ODAD2: variants seen among roughly 807,000 people sequenced by gnomAD.
ODAD2 encodes the protein outer dynein arm-docking complex subunit 2.
A neutral mutation model predicts 106.8 loss-of-function variants in ODAD2; 89 were observed. The observed-to-expected ratio is 0.83, with a 90% CI of 0.70 to 0.99. The LOEUF (loss-of-function observed/expected upper bound fraction) is 0.99. Among genes scored for constraint, ODAD2 ranks in the 50% least tolerant of loss-of-function variants. The pLI is 0.00. For missense variants in ODAD2, 1,168 were observed against 1,238.5 expected (o/e 0.94, Z 0.85); for synonymous variants, 404 against 436.2 (o/e 0.93, Z 0.92).
In ODAD2 at chr10:27,940,027, T is replaced by C. The variant is rs751814479; in HGVS notation, c.1987-20A>G. ...GTTTTCCTAGGAATAAAAACCTACA[T>C]ATTTATGTGTTCAAGACGTGAATAT... is the stretch of plus-strand genomic sequence containing the variant. On this transcript the variant is annotated intron_variant, in intron 13 of 19. Transcript: ENST00000305242. 2 of 1,532,766 alleles carry C rather than the reference T, an allele frequency of 1.3e-6. No homozygotes were observed. Among genetic ancestry groups the C allele is most frequent in the Admixed American group, 3.6e-5 (2 of 55,624 alleles). The allele number at this position is 1,532,766 out of a possible 1,614,324, so 94.9% of individuals were successfully genotyped here.
chr10:27,818,884 A>G (rs1489150801), intron 19 of ODAD2, among the ~76,000 whole-genome samples: 3 of 152,130 alleles, frequency 2.0e-5, no homozygotes, highest in Admixed American at 2.0e-4. Flanking sequence ...AAAAATCACT[A>G]TCAAACCATA....
chr10:27,823,245 T>A lies in ODAD2; in HGVS notation c.3022-10620A>T, dbSNP rs952700283. 2.0e-5 allele frequency among the ~76,000 whole-genome samples: 3 copies of A among 152,192 alleles called. No homozygotes were observed. In the East Asian group the frequency reaches 5.8e-4, roughly 29 times the overall value. On this transcript the variant is annotated intron_variant, in intron 19 of 19. Transcript: ENST00000305242. ...AATATTGGCACACATAGGGGCTTCC[T>A]ACATAAGAATGCTAAAGAAATAATA...
At chr10:27,960,805 A>T (rs1485420441) in intron 10 of ODAD2, among the ~76,000 whole-genome samples, 2 of 152,234 alleles carry the variant, frequency 1.3e-5, no homozygotes, top group African/African-American at 4.8e-5. Flanking sequence ...ATGAAAAAGC[A>T]GAAAGAAACC....
At chr10:27,974,218 C>A (rs1849041285) in intron 7 of ODAD2, among the ~76,000 whole-genome samples, 2 of 152,158 alleles carry the variant, frequency 1.3e-5, no homozygotes, top group African/African-American at 4.8e-5. Flanking sequence ...TTCTCCCATT[C>A]TGTAGATTGT....
At chr10:27,866,995 G>T (rs1840487073) in intron 17 of ODAD2, among the ~76,000 whole-genome samples, 3 of 151,158 alleles carry the variant, frequency 2.0e-5, no homozygotes, top group East Asian at 1.9e-4. Context: ...TTTTTCTCAA[G>T]AAAACCGGGA....
chr10:27,939,867 G>A (rs368668929), intron 14 of ODAD2, 30 bp downstream of exon 14: 10 of 1,416,162 alleles, frequency 7.1e-6, no homozygotes, highest in African/African-American at 5.8e-5. Flanking sequence ...GAGAAAGAAC[G>A]CCAACAACCG....
At chr10:27,977,095 T>A (rs145157651) in intron 7 of ODAD2, among the ~76,000 whole-genome samples, 51 of 152,056 alleles carry the variant, frequency 3.4e-4, no homozygotes, top group African/African-American at 1.1e-3. Flanking sequence ...TTAAAGTGGA[T>A]CATAGATATA....
chr10:27,952,074 C>CAAAAAAAAAAAAA lies in ODAD2; in HGVS notation c.1387-7125_1387-7113dup, dbSNP rs71388944. Among the ~76,000 whole-genome samples, 42 of 44,030 alleles carry CAAAAAAAAAAAAA rather than the reference C, an allele frequency of 9.5e-4. 4 individuals carry two copies. Among genetic ancestry groups the CAAAAAAAAAAAAA allele is most frequent in the Non-Finnish European group, 1.3e-3 (28 of 22,262 alleles). The allele number at this position is 44,030 out of a possible 152,430, so 28.9% of individuals were successfully genotyped here. On this transcript the variant is annotated intron_variant, in intron 10 of 19. Transcript: ENST00000305242. ...TGGGCAACAGACTGAGATGCCAACT[C>CAAAAAAAAAAAAA]AAAAAAAAAAAAAAAAAAGACACAC...
chr10:27,840,601 G>A (rs563352381), intron 19 of ODAD2, among the ~76,000 whole-genome samples: 57 of 152,266 alleles, frequency 3.7e-4, no homozygotes, highest in African/African-American at 1.3e-3. Context: ...TGGGGGTGGA[G>A]AAAATATGTG....
chr10:27,949,861 G>A (rs1423943215), intron 10 of ODAD2, among the ~76,000 whole-genome samples: 4 of 152,136 alleles, frequency 2.6e-5, no homozygotes, highest in South Asian at 2.1e-4. Context: ...ATAAAGAAAC[G>A]TTTGAAAGGT....
At chr10:27,924,015 AAAGAAAG>A (rs1463437255) in intron 16 of ODAD2, among the ~76,000 whole-genome samples, 2 of 145,744 alleles carry the variant, frequency 1.4e-5, no homozygotes, top group Non-Finnish European at 3.0e-5. Flanking sequence ...AGAAAGAAAG[AAAGAAAG>A]AAGGAAAGAG....
chr10:27,923,136 C>T (rs78641598), intron 16 of ODAD2, among the ~76,000 whole-genome samples: 1,877 of 152,086 alleles, frequency 0.012, 37 homozygotes, highest in African/African-American at 0.043. Context: ...TAAAAAATTA[C>T]GACATTGTTG....
intron 10 of ODAD2, among the ~76,000 whole-genome samples, chr10:27,946,372 A>G (rs2132654066): frequency 6.6e-6 from 1 of 151,650 alleles, no homozygotes; most frequent in South Asian, 2.1e-4. Context: ...TCAACACAAT[A>G]GGTCAAGTTT....
chr10:27,943,588 A>C (rs571343942), intron 12 of ODAD2, among the ~76,000 whole-genome samples: 195 of 152,036 alleles, frequency 1.3e-3, no homozygotes, highest in Non-Finnish European at 2.2e-3. Flanking sequence ...GGAGTTCAAG[A>C]CCAGCCTGAC....
chr10:27,934,941 T>A, intron 16 of ODAD2, 69 bp downstream of exon 16: 1 of 1,557,232 alleles, frequency 6.4e-7, no homozygotes, highest in Admixed American at 1.7e-5. Flanking sequence ...GTGATGACAC[T>A]ATTCTGTGAC....
chr10:27,878,448 A>C (rs538307749), intron 17 of ODAD2, among the ~76,000 whole-genome samples: 20 of 152,170 alleles, frequency 1.3e-4, no homozygotes, highest in Non-Finnish European at 2.4e-4. Context: ...CTCCAGCGAA[A>C]AGCACTGGCA....
At chr10:27,924,012 A>AAGAAAGAAAG in intron 16 of ODAD2, among the ~76,000 whole-genome samples, 1 of 113,282 alleles carries the variant, frequency 8.8e-6, no homozygotes, top group East Asian at 2.9e-4. Flanking sequence ...GAAAGAAAGA[A>AAGAAAGAAAG]AGAAAGAAAG....
At chr10:27,841,949 G>A (rs929941179) in intron 19 of ODAD2, among the ~76,000 whole-genome samples, 5 of 152,018 alleles carry the variant, frequency 3.3e-5, no homozygotes, top group African/African-American at 1.2e-4. Context: ...TGGAGATAGG[G>A]TCTCCCTATG....
intron 16 of ODAD2, among the ~76,000 whole-genome samples, chr10:27,911,747 C>T (rs935776127): frequency 6.6e-6 from 1 of 152,136 alleles, no homozygotes; most frequent in Admixed American, 6.6e-5. Flanking sequence ...TTTGCACTCC[C>T]TTTTCCTGCC....
Sources: gnomAD v4.1 joint callset for allele counts (sites outside exome capture counted in the v4.1 genomes callset) on GRCh38, gnomAD v4.1.1 for gene constraint, MANE v1.5 for transcripts, NCBI Gene and HGNC (gene_info 2026-07-23, HGNC 2026-07-21) for gene names.